LTBP1: variants seen among roughly 807,000 people sequenced by gnomAD.
LTBP1 encodes the protein latent-transforming growth factor beta-binding protein 1.
In LTBP1, 129 loss-of-function variants were observed where a neutral mutation model predicts 207.6. That is an observed-to-expected ratio of 0.62 (90% CI 0.54 to 0.72). The LOEUF is 0.72. Ranked by LOEUF, LTBP1 falls within the 30% of genes least tolerant of loss-of-function variation. The pLI, the probability that LTBP1 is intolerant of heterozygous loss-of-function variation, is 0.00. For missense variants in LTBP1, 2,281 were observed against 2,217.2 expected (o/e 1.03, Z -0.58); for synonymous variants, 963 against 833.7 (o/e 1.16, Z -2.67).
intron 5 of LTBP1, among the ~76,000 whole-genome samples, chr2:33,176,501 A>C (rs1207837900): frequency 6.6e-6 from 1 of 152,034 alleles, no homozygotes; most frequent in Non-Finnish European, 1.5e-5. Context: ...CTGAGATTAC[A>C]GTCGTGAGCC....
In LTBP1 at chr2:33,363,534, A is replaced by G. The variant is rs545008632; in HGVS notation, c.4399+16A>G. On this transcript the variant is annotated intron_variant, in intron 29 of 33. Transcript: ENST00000404816. ...CAGTGCTTTGGTAAGCTTTAGGGGG[A>G]TATAGTATGGTGTACTGTGAAAATA... The G allele has an allele frequency of 7.4e-6, 12 of 1,611,956 alleles. 1 individual carries two copies. The Middle Eastern group carries it at 8.2e-4, about 111-fold the overall frequency.
At chr2:33,250,061 C>G (rs931139934) in intron 10 of LTBP1, among the ~76,000 whole-genome samples, 1 of 152,206 alleles carries the variant, frequency 6.6e-6, no homozygotes, top group Admixed American at 6.5e-5. Context: ...AATAACAACA[C>G]CAATCACATC....
At chr2:33,080,304 G>A (rs1366604630) in intron 3 of LTBP1, among the ~76,000 whole-genome samples, 5 of 151,990 alleles carry the variant, frequency 3.3e-5, no homozygotes, top group African/African-American at 7.3e-5. Flanking sequence ...CTGAGATTAC[G>A]GGCATGAGCC....
At position 33,360,684 on chromosome 2, in the gene LTBP1, T is replaced by C; in HGVS notation, c.4088T>C (p.Leu1363Ser). 6.2e-7 allele frequency: 1 copy of C among 1,613,578 alleles called. No individual in the cohort carries two copies. The highest frequency in any genetic ancestry group is 1.1e-5 in the South Asian group (1 of 91,078). The change falls in exon 27 of 34, where the codon TTG (leucine) becomes TCG (serine). Residue 1363 changes from leucine to serine, a missense_variant. Leu to Ser is a moderately radical substitution (Grantham distance 145). Around this residue, in one of 3 missense-constraint regions of LTBP1, gnomAD observed 1,671 missense variants for 1,634.8 expected, o/e 1.02. Coordinates refer to ENST00000404816, the MANE Select transcript of LTBP1 (RefSeq NM_206943.4). ...LNDASLCDNV[L>S]APNVTKQECC... ...GACGCCAGTCTCTGTGATAATGTGT[T>C]GGCCCCCAATGTCACGAAACAAGAA...
intron 5 of LTBP1, among the ~76,000 whole-genome samples, chr2:33,184,339 A>G (rs1272751398): frequency 1.3e-5 from 2 of 152,168 alleles, no homozygotes; most frequent in Non-Finnish European, 2.9e-5. Context: ...TTTGTCTAAC[A>G]CAAGCCTCCT....
At chr2:33,026,981 C>T (rs1174817651) in intron 3 of LTBP1, among the ~76,000 whole-genome samples, 1 of 152,194 alleles carries the variant, frequency 6.6e-6, no homozygotes, top group Admixed American at 6.5e-5. Flanking sequence ...ACTTCCAATG[C>T]CAGAGATCAG....
At chr2:33,309,144 G>A (rs1257291274) in intron 22 of LTBP1, among the ~76,000 whole-genome samples, 2 of 151,878 alleles carry the variant, frequency 1.3e-5, no homozygotes, top group African/African-American at 2.4e-5. Flanking sequence ...TTAGTTGGGC[G>A]TGGTGGTGGG....
At chr2:33,342,735 C>G in intron 24 of LTBP1, 103 bp from the exon 25 acceptor site, 1 of 1,076,510 alleles carries the variant, frequency 9.3e-7, no homozygotes, top group Non-Finnish European at 1.3e-6. Context: ...CTCATCATCA[C>G]ACACTAATCA....
At chr2:32,988,026 C>T (rs1683860189) in intron 2 of LTBP1, among the ~76,000 whole-genome samples, 1 of 152,108 alleles carries the variant, frequency 6.6e-6, no homozygotes, top group South Asian at 2.1e-4. Context: ...AAGATGGAGG[C>T]AAAGATTGAA....
intron 18 of LTBP1, 37 bp downstream of exon 18, chr2:33,275,960 G>A (rs756281354): frequency 9.8e-6 from 15 of 1,537,282 alleles, no homozygotes; most frequent in African/African-American, 1.4e-5. Flanking sequence ...ACATGACGGT[G>A]ATGTGCAGGG....
intron 5 of LTBP1, among the ~76,000 whole-genome samples, chr2:33,183,341 T>C (rs1032765418): frequency 4.6e-5 from 7 of 152,222 alleles, no homozygotes; most frequent in Non-Finnish European, 1.0e-4. Context: ...GATGAGGAGA[T>C]GGCAGAACTA....
chr2:33,039,006 G>T (rs916638409), intron 3 of LTBP1, among the ~76,000 whole-genome samples: 2 of 152,116 alleles, frequency 1.3e-5, no homozygotes, highest in Admixed American at 6.5e-5. Context: ...TTGTCTTTTT[G>T]TCCCCAGCCT....
chr2:33,166,383 C>T (rs181309402), intron 5 of LTBP1, among the ~76,000 whole-genome samples: 2 of 152,230 alleles, frequency 1.3e-5, no homozygotes, highest in Admixed American at 1.3e-4. Context: ...TCTGATGATA[C>T]TTGGTTTATT....
At chr2:33,279,399 T>C (rs1021845638) in intron 18 of LTBP1, among the ~76,000 whole-genome samples, 1 of 152,204 alleles carries the variant, frequency 6.6e-6, no homozygotes, top group Non-Finnish European at 1.5e-5. Context: ...TTCAGTTAGC[T>C]ATGAATATGA....
At chr2:33,245,231 C>T (rs939986314) in intron 10 of LTBP1, among the ~76,000 whole-genome samples, 2 of 152,102 alleles carry the variant, frequency 1.3e-5, no homozygotes, top group Admixed American at 1.3e-4. Flanking sequence ...CTGCATCTTT[C>T]TTGTCTAGTT....
chr2:33,028,019 A>T (rs550336206), intron 3 of LTBP1, among the ~76,000 whole-genome samples: 43 of 152,260 alleles, frequency 2.8e-4, no homozygotes, highest in African/African-American at 1.0e-3. Context: ...ACACATGGGG[A>T]AAATGGTGAG....
chr2:33,132,053 T>C (rs1376377449), intron 4 of LTBP1, among the ~76,000 whole-genome samples: 1 of 152,190 alleles, frequency 6.6e-6, no homozygotes, highest in Non-Finnish European at 1.5e-5. Flanking sequence ...TACAAGTTAA[T>C]GCCAGAGAAG....
At position 33,348,124 on chromosome 2, in the gene LTBP1, A is replaced by G. The variant is rs17644885; in HGVS notation, c.4000+614A>G. Among the ~76,000 whole-genome samples the G allele has an allele frequency of 8.9e-3, 1,355 of 152,314 alleles. 12 individuals carry two copies. The highest frequency in any genetic ancestry group is 0.014 in the Non-Finnish European group (969 of 68,024). On this transcript the variant is annotated intron_variant, in intron 26 of 33. Coordinates refer to ENST00000404816, the MANE Select transcript of LTBP1 (RefSeq NM_206943.4). ...CCAATCACCCTTTTAAGTTTGTGCCATGTAGCTATAGCTTGGTTGTATTTT... is the reference window on the plus strand; with the variant it reads ...CCAATCACCCTTTTAAGTTTGTGCCGTGTAGCTATAGCTTGGTTGTATTTT...
intron 4 of LTBP1, among the ~76,000 whole-genome samples, chr2:33,117,412 C>T (rs772004277): frequency 2.0e-5 from 3 of 152,224 alleles, no homozygotes; most frequent in Middle Eastern, 3.4e-3. Flanking sequence ...AGGAAGTTCA[C>T]ATGTCTGGAG....
Sources: allele counts gnomAD v4.1 joint callset (sites outside exome capture counted in the v4.1 genomes callset), GRCh38; gene constraint gnomAD v4.1.1; regional missense constraint gnomAD v4.1.1; transcripts MANE v1.5; gene names NCBI Gene and HGNC (gene_info 2026-07-23, HGNC 2026-07-21).